The following SLC44A1 variants were observed in gnomAD, a reference collection of about 807,000 sequenced individuals.
SLC44A1 encodes the protein choline transporter-like protein 1.
Under a neutral mutation model 79.3 loss-of-function variants are expected in SLC44A1, and 26 were observed. The ratio of observed to expected loss-of-function variants is 0.33; its 90% CI spans 0.24 to 0.46. SLC44A1 has a LOEUF of 0.46. Ranked by LOEUF, SLC44A1 falls within the 20% of genes least tolerant of loss-of-function variation. The pLI, the probability that SLC44A1 is intolerant of heterozygous loss-of-function variation, is 1.00. For missense variants in SLC44A1, 688 were observed against 798.1 expected (o/e 0.86, Z 1.66); for synonymous variants, 263 against 286.2 (o/e 0.92, Z 0.82).
At chr9:105,255,391 C>T (rs1024016827) in intron 1 of SLC44A1, among the ~76,000 whole-genome samples, 2 of 152,036 alleles carry the variant, frequency 1.3e-5, no homozygotes, top group Non-Finnish European at 2.9e-5. Flanking sequence ...GAATGACCCT[C>T]TTGAGATACA....
intron 15 of SLC44A1, among the ~76,000 whole-genome samples, chr9:105,418,269 G>A (rs1363277847): frequency 4.2e-5 from 6 of 144,388 alleles, no homozygotes; most frequent in African/African-American, 1.1e-4. Flanking sequence ...AGCCGAGATT[G>A]CGCCATTGCA....
intron 1 of SLC44A1, among the ~76,000 whole-genome samples, chr9:105,247,886 C>T (rs1829495529): frequency 6.6e-6 from 1 of 152,220 alleles, no homozygotes; most frequent in African/African-American, 2.4e-5. Flanking sequence ...AAGCTGTCCT[C>T]TTCTAAACTC....
intron 1 of SLC44A1, among the ~76,000 whole-genome samples, chr9:105,282,735 G>A (rs1174778287): frequency 6.6e-6 from 1 of 152,054 alleles, no homozygotes; most frequent in Non-Finnish European, 1.5e-5. Context: ...TTTTAGTAGA[G>A]ACGGGGTTTC....
At chr9:105,387,938 T>G (rs890617111) in intron 15 of SLC44A1, among the ~76,000 whole-genome samples, 1 of 152,246 alleles carries the variant, frequency 6.6e-6, no homozygotes, top group African/African-American at 2.4e-5. Flanking sequence ...TTTTCAGTTT[T>G]GAAATAGTGT....
chr9:105,330,588 T>C lies in SLC44A1; in HGVS notation c.270-4975T>C, dbSNP rs111556254. Among the ~76,000 whole-genome samples, 287 of 152,342 alleles carry C rather than the reference T, an allele frequency of 1.9e-3. 3 individuals are homozygous for C. Among genetic ancestry groups the C allele is most frequent in the African/African-American group, 6.7e-3 (278 of 41,572 alleles). On this transcript the variant is annotated intron_variant, in intron 3 of 15. Transcript: ENST00000374720. ...ACTTCTTTTCTGACTCTTATCCTTT[T>C]TCCTGAGTTTCAGTGATATAATGTC...
intron 12 of SLC44A1, among the ~76,000 whole-genome samples, chr9:105,369,488 T>C (rs1186843672): frequency 6.6e-6 from 1 of 152,170 alleles, no homozygotes; most frequent in East Asian, 1.9e-4. Context: ...AGACCCTACC[T>C]ACTAATACCA....
chr9:105,280,191 T>C (rs1830316948), intron 1 of SLC44A1, among the ~76,000 whole-genome samples: 1 of 152,206 alleles, frequency 6.6e-6, no homozygotes. Context: ...AAGGGAGGAC[T>C]AATATCAAAA....
chr9:105,278,506 C>A (rs913130087), intron 1 of SLC44A1, among the ~76,000 whole-genome samples: 1 of 152,148 alleles, frequency 6.6e-6, no homozygotes, highest in Non-Finnish European at 1.5e-5. Context: ...CCTCGGCCTC[C>A]CGAAGTGCTG....
rs1418568660 is a variant in SLC44A1 at position 105,244,695 on chromosome 9, C to G, written c.-174C>G. The G allele has an allele frequency of 9.9e-6, 3 of 301,714 alleles. No homozygotes were observed. Among genetic ancestry groups the G allele is most frequent in the African/African-American group, 6.7e-5 (3 of 44,690 alleles). The allele number at this position is 301,714 out of a possible 1,614,324, so 18.7% of individuals were successfully genotyped here. ...CCGCCGCCGGGGGATGTGGCCGGCG[C>G]CTGCCTCTAGCCGCGCCGCCTCTTG... On this transcript the variant is annotated 5_prime_UTR_variant, in exon 1 of 16. Transcript: ENST00000374720.
chr9:105,366,462 C>T, intron 12 of SLC44A1, 33 bp downstream of exon 12: 2 of 949,110 alleles, frequency 2.1e-6, no homozygotes, highest in Non-Finnish European at 3.1e-6. Flanking sequence ...CTAATATTTA[C>T]TTTCAAAGAT....
rs776551187 is a variant in SLC44A1, at chr9:105,392,399, CTCTCTTTTTT to C, written c.*3345_*3354del. 77,471 of 800,850 alleles carry C rather than the reference CTCTCTTTTTT, an allele frequency of 0.097. 1,676 individuals are homozygous for C. The highest frequency in any genetic ancestry group is 0.1 in the Non-Finnish European group (72,262 of 690,658). The allele number at this position is 800,850 out of a possible 1,614,324, so 49.6% of individuals were successfully genotyped here. A position where few individuals can be genotyped will look rare whatever the true frequency, so the allele number is the denominator to read the frequency against. On this transcript the variant is annotated 3_prime_UTR_variant, in exon 16 of 16. Coordinates refer to ENST00000374720, the MANE Select transcript of SLC44A1 (RefSeq NM_080546.5). ...TTTTGTAGAGATGCTCTCTCTCTCTCTCTCTTTTTTTTTTTTTTTTTTTTTTTTTTTCCGT... is the reference window on the plus strand; with the variant it reads ...TTTTGTAGAGATGCTCTCTCTCTCTCTTTTTTTTTTTTTTTTTTTTTCCGT...
At chr9:105,436,879 CA>C (rs1383509577) in intron 15 of SLC44A1, among the ~76,000 whole-genome samples, 2 of 152,138 alleles carry the variant, frequency 1.3e-5, no homozygotes, top group Non-Finnish European at 2.9e-5. Context: ...CTGTTTTAAG[CA>C]CCTGGAGACA....
At chr9:105,408,151 C>A (rs938346263) in intron 15 of SLC44A1, among the ~76,000 whole-genome samples, 2 of 152,024 alleles carry the variant, frequency 1.3e-5, no homozygotes, top group African/African-American at 4.8e-5. Flanking sequence ...GAGATTCCGT[C>A]TCAAAAAATA....
At chr9:105,363,837 T>G (rs1241486369) in intron 9 of SLC44A1, among the ~76,000 whole-genome samples, 3 of 152,204 alleles carry the variant, frequency 2.0e-5, no homozygotes, top group Non-Finnish European at 4.4e-5. Context: ...TGCACTCTAA[T>G]TTTGAAATGA....
chr9:105,397,691 T>A (rs1828902173), downstream of SLC44A1, among the ~76,000 whole-genome samples: 1 of 152,066 alleles, frequency 6.6e-6, no homozygotes. Context: ...ACGCCTGTAA[T>A]CCCAGCACTT....
At chr9:105,294,989 G>A (rs929137433) in intron 1 of SLC44A1, among the ~76,000 whole-genome samples, 2 of 151,522 alleles carry the variant, frequency 1.3e-5, no homozygotes, top group African/African-American at 4.8e-5. Flanking sequence ...ACACTGGTGA[G>A]CCTGAGAAAG....
At chr9:105,400,935 G>C (rs1828950459), downstream of SLC44A1, among the ~76,000 whole-genome samples, 1 of 152,100 alleles carries the variant, frequency 6.6e-6, no homozygotes, top group African/African-American at 2.4e-5. Context: ...CCTGGCAGTA[G>C]TGTAACCACT....
intron 1 of SLC44A1, among the ~76,000 whole-genome samples, chr9:105,247,146 G>C: frequency 6.7e-6 from 1 of 150,142 alleles, no homozygotes; most frequent in Non-Finnish European, 1.5e-5. Flanking sequence ...TTTGTGAAAT[G>C]TTACTAATCG....
At chr9:105,323,998 G>GT (rs1826484940) in intron 3 of SLC44A1, among the ~76,000 whole-genome samples, 2 of 141,906 alleles carry the variant, frequency 1.4e-5, no homozygotes, top group East Asian at 3.9e-4. Context: ...AGTGCTTTTT[G>GT]TTTTTGTTTT....
Sources: gnomAD v4.1 joint callset for allele counts (sites outside exome capture counted in the v4.1 genomes callset) on GRCh38, gnomAD v4.1.1 for gene constraint, MANE v1.5 for transcripts, NCBI Gene and HGNC (gene_info 2026-07-23, HGNC 2026-07-21) for gene names.